Variants in FNIP1 observed in about 807,000 individuals in gnomAD.
FNIP1 encodes the protein folliculin-interacting protein 1.
In FNIP1, 40 loss-of-function variants were observed where a neutral mutation model predicts 124.5. The ratio of observed to expected loss-of-function variants is 0.32; its 90% CI spans 0.25 to 0.42. The LOEUF is 0.42. Among genes scored for constraint, FNIP1 ranks in the 10% least tolerant of loss-of-function variants. FNIP1 has a pLI of 1.00. For missense variants in FNIP1, 1,176 were observed against 1,403.7 expected, an observed-to-expected ratio of 0.84 and a Z score of 2.59; for synonymous variants, 472 against 470.6, an observed-to-expected ratio of 1.00 and a Z score of -0.04.
At chr5:131,735,465 A>ATATTTTTATATATG (rs1372685784) in intron 2 of FNIP1, among the ~76,000 whole-genome samples, 2 of 148,964 alleles carry the variant, frequency 1.3e-5, no homozygotes, top group East Asian at 3.9e-4. Flanking sequence ...TTTTATATAT[A>ATATTTTTATATATG]TACACACATA....
intron 1 of FNIP1, among the ~76,000 whole-genome samples, chr5:131,774,219 GTTCTCACT>G (rs1771730725): frequency 6.6e-6 from 1 of 152,172 alleles, no homozygotes; most frequent in East Asian, 1.9e-4. Flanking sequence ...TAGAGACAAA[GTTCTCACT>G]TTGTTGCCTA....
At chr5:131,706,826 C>A (rs1561665950) in intron 8 of FNIP1, among the ~76,000 whole-genome samples, 1 of 152,130 alleles carries the variant, frequency 6.6e-6, no homozygotes, top group Non-Finnish European at 1.5e-5. Flanking sequence ...AGGCATTATC[C>A]CTTTGGCCAC....
chr5:131,734,948 C>A (rs1475023979), intron 2 of FNIP1, among the ~76,000 whole-genome samples: 2 of 152,214 alleles, frequency 1.3e-5, no homozygotes, highest in Non-Finnish European at 2.9e-5. Flanking sequence ...ACCTAGCAAT[C>A]CCATTACTGG....
chr5:131,654,216 G>C (rs1203250447), intron 15 of FNIP1, among the ~76,000 whole-genome samples: 7 of 152,150 alleles, frequency 4.6e-5, no homozygotes, highest in Non-Finnish European at 1.5e-5. Context: ...ATTAAGTACA[G>C]AGCATGTCTG....
At position 131,677,890 on chromosome 5, in the gene FNIP1, C is replaced by G; in HGVS notation, c.1350-18G>C. The G allele has an allele frequency of 6.2e-7, 1 of 1,609,176 alleles. No homozygotes were observed. The highest frequency in any genetic ancestry group is 1.3e-5 in the African/African-American group (1 of 74,770). On this transcript the variant is annotated intron_variant, in intron 12 of 17. Coordinates refer to ENST00000510461, the MANE Select transcript of FNIP1 (RefSeq NM_133372.3). ...GCAAGAATCTGAAAACAAAATACATCTGATCAGATTCCAATCAGTCTTCAT... is the reference window on the plus strand; with the variant it reads ...GCAAGAATCTGAAAACAAAATACATGTGATCAGATTCCAATCAGTCTTCAT...
chr5:131,749,582 T>C (rs772480121), intron 1 of FNIP1, among the ~76,000 whole-genome samples: 6 of 151,968 alleles, frequency 3.9e-5, no homozygotes, highest in African/African-American at 4.8e-5. Flanking sequence ...AGTAGACATG[T>C]GGTTCCACCA....
chr5:131,776,900 G>A (rs1259691669), intron 1 of FNIP1, among the ~76,000 whole-genome samples: 3 of 152,062 alleles, frequency 2.0e-5, no homozygotes, highest in South Asian at 2.1e-4. Context: ...GTATGTTTAC[G>A]ATCCGTACAC....
At chr5:131,709,113 C>T in intron 8 of FNIP1, 88 bp downstream of exon 8, 1 of 1,058,520 alleles carries the variant, frequency 9.4e-7, no homozygotes, top group Non-Finnish European at 1.5e-6. Flanking sequence ...TCAATATGAA[C>T]AAATTTGATA....
chr5:131,647,038 G>A, intron 17 of FNIP1, 52 bp downstream of exon 17: 1 of 1,492,668 alleles, frequency 6.7e-7, no homozygotes, highest in Non-Finnish European at 9.3e-7. Flanking sequence ...AAAATTCCTT[G>A]CCTGATGACA....
At chr5:131,724,705 T>G (rs1336947321) in intron 3 of FNIP1, among the ~76,000 whole-genome samples, 14 of 152,250 alleles carry the variant, frequency 9.2e-5, no homozygotes, top group African/African-American at 2.7e-4. Flanking sequence ...AGCTCTTTAA[T>G]TAGATCCCAT....
rs75734132 is a variant in FNIP1, at chr5:131,660,467, A to G, written c.3109-8468T>C. On this transcript the variant is annotated intron_variant, in intron 15 of 17. Transcript: ENST00000510461. ...ACTGACAACCCACTCCTGTAGCCCCATCCAGAAGCGATTTGGCCCCAGTAG... is the reference window on the plus strand; with the variant it reads ...ACTGACAACCCACTCCTGTAGCCCCGTCCAGAAGCGATTTGGCCCCAGTAG... Among the ~76,000 whole-genome samples the G allele has an allele frequency of 8.8e-3, 1,339 of 152,156 alleles. 24 individuals carry two copies. The highest frequency in any genetic ancestry group is 0.031 in the African/African-American group (1,271 of 41,500).
intron 2 of FNIP1, among the ~76,000 whole-genome samples, chr5:131,740,431 T>C (rs769293707): frequency 9.2e-5 from 14 of 152,200 alleles, no homozygotes; most frequent in Non-Finnish European, 1.9e-4. Context: ...TCCAAAGTTA[T>C]GTGAATTTAC....
intron 1 of FNIP1, among the ~76,000 whole-genome samples, chr5:131,772,207 A>C (rs915688440): frequency 6.6e-6 from 1 of 152,158 alleles, no homozygotes; most frequent in Non-Finnish European, 1.5e-5. Flanking sequence ...GCCAAACTGT[A>C]GGGATAAAAA....
chr5:131,782,215 A>G (rs1772018436), intron 1 of FNIP1, among the ~76,000 whole-genome samples: 1 of 152,114 alleles, frequency 6.6e-6, no homozygotes, highest in Non-Finnish European at 1.5e-5. Flanking sequence ...GCTGCCATAA[A>G]TAAGTGATTC....
intron 7 of FNIP1, among the ~76,000 whole-genome samples, chr5:131,710,134 T>G (rs1769239417): frequency 6.6e-6 from 1 of 152,188 alleles, no homozygotes. Context: ...CAAGAAAAAC[T>G]GCTCTTATGG....
chr5:131,677,680 G>T (rs750281081), intron 13 of FNIP1, 23 bp downstream of exon 13: 10 of 1,605,022 alleles, frequency 6.2e-6, no homozygotes, highest in Non-Finnish European at 8.5e-6. Flanking sequence ...AATACATAGT[G>T]TAACAGTTGT....
intron 15 of FNIP1, among the ~76,000 whole-genome samples, chr5:131,654,973 A>G (rs1767149173): frequency 6.6e-6 from 1 of 152,222 alleles, no homozygotes; most frequent in African/African-American, 2.4e-5. Flanking sequence ...TTTGTTATTC[A>G]TCACTTAATT....
chr5:131,698,721 C>T (rs1768789028), intron 11 of FNIP1, among the ~76,000 whole-genome samples, 196 bp downstream of exon 11: 1 of 152,142 alleles, frequency 6.6e-6, no homozygotes, highest in South Asian at 2.1e-4. Flanking sequence ...AAACATACCA[C>T]TGATGGCTCT....
At chr5:131,723,248 G>A (rs1450129786) in intron 3 of FNIP1, among the ~76,000 whole-genome samples, 1 of 151,930 alleles carries the variant, frequency 6.6e-6, no homozygotes, top group Admixed American at 6.6e-5. Flanking sequence ...TCCCTTATAA[G>A]CTCATTTTTA....
Sources: gnomAD v4.1 joint callset for allele counts (sites outside exome capture counted in the v4.1 genomes callset) on GRCh38, gnomAD v4.1.1 for gene constraint, MANE v1.5 for transcripts, NCBI Gene and HGNC (gene_info 2026-07-23, HGNC 2026-07-21) for gene names.